WRN: variants seen among roughly 807,000 people sequenced by gnomAD.
WRN encodes the protein bifunctional 3'-5' exonuclease/ATP-dependent helicase WRN.
A neutral mutation model predicts 180.7 loss-of-function variants in WRN; 149 were observed. The observed-to-expected ratio is 0.82, with a 90% CI of 0.72 to 0.94. The LOEUF (loss-of-function observed/expected upper bound fraction) is 0.94. Among genes scored for constraint, WRN ranks in the 40% least tolerant of loss-of-function variants. The pLI, the probability that WRN is intolerant of heterozygous loss-of-function variation, is 0.00. For missense variants in WRN, 1,661 were observed against 1,700.1 expected (o/e 0.98, Z 0.40); for synonymous variants, 548 against 568.9 (o/e 0.96, Z 0.52).
chr8:31,065,000 TCTA>T lies in WRN; in HGVS notation c.443_445del (p.Leu148del), dbSNP rs1812639130. The T allele has an allele frequency of 6.2e-7, 1 of 1,613,716 alleles. No homozygotes were observed. Among genetic ancestry groups the T allele is most frequent in the Admixed American group, 1.7e-5 (1 of 60,024 alleles). On this transcript the variant is annotated inframe_deletion, in exon 5 of 35. Coordinates refer to ENST00000298139, the MANE Select transcript of WRN (RefSeq NM_000553.6). ...GAATTGAAGGAGATCAGTGGAAACTTCTACGTGACTTTGATATCAAATTGAAGA... is the reference window on the plus strand; with the variant it reads ...GAATTGAAGGAGATCAGTGGAAACTTCGTGACTTTGATATCAAATTGAAGA...
chr8:31,076,109 A>T (rs1813083854), intron 7 of WRN, 64 bp from the exon 8 acceptor site: 1 of 1,290,418 alleles, frequency 7.7e-7, no homozygotes, highest in African/African-American at 1.5e-5. Flanking sequence ...TATTTAATGA[A>T]GTGGCTAAAT....
chr8:31,077,487 C>T (rs982328976), intron 8 of WRN, among the ~76,000 whole-genome samples: 9 of 152,288 alleles, frequency 5.9e-5, no homozygotes, highest in African/African-American at 1.9e-4. Context: ...CGTGATCTGC[C>T]CGCCTCAGCC....
intron 8 of WRN, among the ~76,000 whole-genome samples, chr8:31,080,303 A>G (rs574004480): frequency 1.4e-4 from 21 of 152,250 alleles, no homozygotes; most frequent in Non-Finnish European, 2.6e-4. Flanking sequence ...TCTTGTTTAA[A>G]CCACACCTAT....
intron 21 of WRN, among the ~76,000 whole-genome samples, chr8:31,122,405 T>A (rs933776341): frequency 7.2e-5 from 11 of 152,118 alleles, no homozygotes; most frequent in South Asian, 4.1e-4. Context: ...ATGCCATAAT[T>A]CTATCACTGA....
Position 31,141,489 on chromosome 8 carries a change from TCAAA to T in WRN, c.3030_3033del (p.Thr1011ArgfsTer11), listed in dbSNP as rs748860208. 3.7e-5 allele frequency: 60 copies of T among 1,614,028 alleles called. No homozygotes were observed. Among genetic ancestry groups the T allele is most frequent in the Non-Finnish European group, 4.7e-5 (55 of 1,180,036 alleles). On this transcript the variant is annotated frameshift_variant, in exon 25 of 35. Transcript: ENST00000298139. LOFTEE classifies it high-confidence loss of function. The stretch of plus-strand genomic sequence containing the variant: ...ACAGTTTATTTGGCACTGGCAAGGA[TCAAA>T]CAGAGAGTTGGTGGAAGGCTTTTTC...
intron 33 of WRN, among the ~76,000 whole-genome samples, chr8:31,157,998 G>A (rs528032190): frequency 5.9e-5 from 9 of 152,238 alleles, no homozygotes; most frequent in African/African-American, 1.2e-4. Flanking sequence ...AAAGTGCTGC[G>A]ATTACAGGTG....
At chr8:31,153,704 A>G (rs914992050) in intron 31 of WRN, among the ~76,000 whole-genome samples, 1 of 152,208 alleles carries the variant, frequency 6.6e-6, no homozygotes, top group African/African-American at 2.4e-5. Context: ...TAAAAAGTAA[A>G]ACAGAAACAT....
chr8:31,053,936 CTTAA>C (rs1812171347), intron 1 of WRN, among the ~76,000 whole-genome samples: 1 of 152,084 alleles, frequency 6.6e-6, no homozygotes, highest in Non-Finnish European at 1.5e-5. Flanking sequence ...TAACATGTTT[CTTAA>C]TTAAAGAAAA....
intron 1 of WRN, among the ~76,000 whole-genome samples, chr8:31,055,682 A>T (rs1005916618): frequency 6.6e-6 from 1 of 151,888 alleles, no homozygotes; most frequent in Non-Finnish European, 1.5e-5. Flanking sequence ...TCAGCTGGAT[A>T]GATTGCAAAA....
intron 23 of WRN, among the ~76,000 whole-genome samples, chr8:31,125,560 ATATATATATG>A (rs1449043401): frequency 7.7e-6 from 1 of 130,134 alleles, no homozygotes; most frequent in African/African-American, 2.9e-5. Context: ...ATATATATAT[ATATATATATG>A]GGGAGGGAAA....
At chr8:31,073,321 A>G (rs1264704652) in intron 7 of WRN, among the ~76,000 whole-genome samples, 3 of 152,166 alleles carry the variant, frequency 2.0e-5, no homozygotes, top group Non-Finnish European at 2.9e-5. Context: ...GAAGATATAT[A>G]TTGTGAAGGA....
At chr8:31,113,247 A>G (rs187236626) in intron 19 of WRN, among the ~76,000 whole-genome samples, 1 of 152,034 alleles carries the variant, frequency 6.6e-6, no homozygotes, top group African/African-American at 2.4e-5. Context: ...ACACAAAACA[A>G]GCATAGACAA....
At chr8:31,077,651 C>T (rs1813147824) in intron 8 of WRN, among the ~76,000 whole-genome samples, 1 of 152,194 alleles carries the variant, frequency 6.6e-6, no homozygotes, top group African/African-American at 2.4e-5. Context: ...ATGACTTTTA[C>T]ATGCATTTCA....
intron 34 of WRN, among the ~76,000 whole-genome samples, chr8:31,172,075 C>T (rs1028617505): frequency 6.6e-6 from 1 of 152,100 alleles, no homozygotes; most frequent in African/African-American, 2.4e-5. Context: ...TTATGAAACA[C>T]TTAGCTACTT....
intron 32 of WRN, 98 bp downstream of exon 32, chr8:31,154,853 T>TC: frequency 7.0e-6 from 10 of 1,424,102 alleles, no homozygotes; most frequent in Non-Finnish European, 8.8e-6. Flanking sequence ...GGGATCAATT[T>TC]CCTCCAACCC....
At chr8:31,141,842 T>A in intron 26 of WRN, 67 bp downstream of exon 26, 1 of 1,451,416 alleles carries the variant, frequency 6.9e-7, no homozygotes, top group Non-Finnish European at 9.6e-7. Context: ...ATTCAAATTA[T>A]ACCAGTTTAT....
intron 1 of WRN, among the ~76,000 whole-genome samples, chr8:31,035,972 A>G (rs1258338390): frequency 6.6e-6 from 1 of 151,992 alleles, no homozygotes; most frequent in East Asian, 1.9e-4. Context: ...TATTCCTTCT[A>G]TCTAACTGTA....
chr8:31,109,194 G>A (rs1332255056), intron 18 of WRN, among the ~76,000 whole-genome samples: 1 of 152,160 alleles, frequency 6.6e-6, no homozygotes, highest in Non-Finnish European at 1.5e-5. Flanking sequence ...CAGCCCTTGT[G>A]GCTTAAGATC....
chr8:31,157,624 T>A, intron 33 of WRN, 94 bp downstream of exon 33: 7 of 1,442,662 alleles, frequency 4.9e-6, no homozygotes, highest in Non-Finnish European at 6.7e-6. Flanking sequence ...ATTAATCCTT[T>A]ATGCTATTAT....
Sources: allele counts gnomAD v4.1 joint callset (sites outside exome capture counted in the v4.1 genomes callset), GRCh38; gene constraint gnomAD v4.1.1; transcripts MANE v1.5; gene names NCBI Gene and HGNC (gene_info 2026-07-23, HGNC 2026-07-21).